The following TRIM66 variants were observed in gnomAD, a reference collection of about 807,000 sequenced individuals.
The protein encoded by TRIM66 is tripartite motif-containing protein 66.
TRIM66 carries 99 observed loss-of-function variants against 148.2 expected under a neutral mutation model. The ratio of observed to expected loss-of-function variants is 0.67; its 90% CI spans 0.57 to 0.79. The LOEUF is 0.79. TRIM66 is among the 30% of genes least tolerant of loss of function. The pLI is 0.00. For synonymous variants in TRIM66, 616 were observed against 635.9 expected (o/e 0.97, Z 0.47); for missense variants, 1,666 against 1,697.9 (o/e 0.98, Z 0.33).
intron 18 of TRIM66, 23 bp from the exon 19 acceptor site, chr11:8,621,842 G>C: frequency 6.6e-7 from 1 of 1,513,142 alleles, no homozygotes; most frequent in Non-Finnish European, 8.8e-7. Context: ...AGACACCCCG[G>C]GGTCTTGGTG....
At chr11:8,645,569 C>T (rs2036775388) in intron 12 of TRIM66, among the ~76,000 whole-genome samples, 172 bp downstream of exon 12, 1 of 152,210 alleles carries the variant, frequency 6.6e-6, no homozygotes, top group Non-Finnish European at 1.5e-5. Context: ...TGTTTACTTA[C>T]TAACCCAAAA....
chr11:8,620,234 T>C, intron 21 of TRIM66, 110 bp from the exon 22 acceptor site: 2 of 1,305,884 alleles, frequency 1.5e-6, no homozygotes, highest in Non-Finnish European at 2.1e-6. Flanking sequence ...GGATGCCAGC[T>C]GCCATACTAA....
At chr11:8,682,695 A>G (rs1173484171), upstream of TRIM66, 2 of 1,210,160 alleles carry the variant, frequency 1.7e-6, no homozygotes, top group Admixed American at 1.8e-5. Context: ...CCGCGAGACC[A>G]GGAGGCCCCG....
intron 6 of TRIM66, chr11:8,658,757 C>T: frequency 1.0e-6 from 1 of 985,270 alleles, no homozygotes; most frequent in Non-Finnish European, 1.2e-6. Context: ...TAAAAAACAG[C>T]AGGAGCCCAA....
Position 8,617,114 on chromosome 11 carries a change from T to C in TRIM66, c.*830A>G, listed in dbSNP as rs1009203810. ...CCACTGACAAGCACCAACAGTCACT[T>C]CTAGGAAGGCAGGTTCTCACCCTAA... On this transcript the variant is annotated 3_prime_UTR_variant, in exon 25 of 25. Coordinates refer to ENST00000646038, the MANE Select transcript of TRIM66 (RefSeq NM_001388022.1). The C allele has an allele frequency of 2.0e-5, 3 of 152,272 alleles. No homozygotes were observed. The highest frequency in any genetic ancestry group is 7.2e-5 in the African/African-American group (3 of 41,450). The allele number at this position is 152,272 out of a possible 1,614,324, so 9.4% of individuals were successfully genotyped here.
At chr11:8,683,102 T>G, upstream of TRIM66, 1 of 1,268,068 alleles carries the variant, frequency 7.9e-7, no homozygotes, top group Middle Eastern at 1.9e-4. Context: ...CTCCAGAAGT[T>G]AGGTCTTTGA....
chr11:8,622,265 T>C (rs2034302592), intron 18 of TRIM66, among the ~76,000 whole-genome samples: 1 of 148,058 alleles, frequency 6.8e-6, no homozygotes, highest in Admixed American at 6.7e-5. Flanking sequence ...CGTAAATTAA[T>C]ACTTAATAAA....
At position 8,645,814 on chromosome 11, in the gene TRIM66, T is replaced by A; in HGVS notation, c.1031A>T (p.Glu344Val). The A allele has an allele frequency of 6.4e-7, 1 of 1,551,748 alleles. No individual in the cohort carries two copies. Among genetic ancestry groups the A allele is most frequent in the Non-Finnish European group, 8.7e-7 (1 of 1,146,994 alleles). Residue 344 changes from glutamate (E) to valine (V), a missense_variant, in exon 12 of 25, where the codon GAG becomes GTG. Glu to Val is a moderately radical substitution (Grantham distance 121). Transcript: ENST00000646038. Reference protein sequence around the residue: ...QSIMVLNRQFEHVQNFINWAV... With the variant: ...QSIMVLNRQFVHVQNFINWAV... ...CCAGTTGATGAAATTCTGCACATGC[T>A]CAAACTGACGGTTGAGAACCATGAT... is the stretch of plus-strand genomic sequence containing the variant.
intron 6 of TRIM66, among the ~76,000 whole-genome samples, chr11:8,655,792 T>A (rs1045550374): frequency 5.3e-5 from 8 of 150,958 alleles, no homozygotes; most frequent in African/African-American, 1.5e-4. Context: ...CAAAAAAAAT[T>A]AAAATAAAAA....
intron 1 of TRIM66, among the ~76,000 whole-genome samples, chr11:8,681,368 C>A (rs1362935492): frequency 1.3e-5 from 2 of 152,140 alleles, no homozygotes; most frequent in East Asian, 1.9e-4. Context: ...CTCCTGACCT[C>A]GTGATCCGCC....
chr11:8,640,544 G>C lies in TRIM66; in HGVS notation c.1831C>G (p.His611Asp), dbSNP rs777864629. 2.0e-6 allele frequency: 3 copies of C among 1,534,284 alleles called. No homozygotes were observed. Among genetic ancestry groups the C allele is most frequent in the East Asian group, 4.9e-5 (2 of 40,660 alleles). The change falls in exon 14 of 25, where the codon CAT becomes GAT. Residue 611 changes from histidine (H) to aspartate (D), a missense_variant. Physicochemically the swap from His to Asp is moderately conservative, Grantham distance 81. Coordinates refer to ENST00000646038, the MANE Select transcript of TRIM66 (RefSeq NM_001388022.1). Reference sequence around the variant, plus strand: ...GGAGGGGGAAGGGGAGGTGGGGGATGGGGGAGGGGTGGTGGTGGAGGTGGT... The same window carrying C: ...GGAGGGGGAAGGGGAGGTGGGGGATCGGGGAGGGGTGGTGGTGGAGGTGGT... Reference protein sequence around the residue: ...QLPPPPPPLPHPPPPLPPPPQ... With the variant: ...QLPPPPPPLPDPPPPLPPPPQ...
chr11:8,674,825 G>A lies in TRIM66; in HGVS notation c.-131C>T, dbSNP rs1277319162. Reference sequence around the variant, plus strand: ...CCATACCTGTTTCTGCAGTCAATCTGTTATATGTTGTTTTGTTCACAGTAT... The same window carrying A: ...CCATACCTGTTTCTGCAGTCAATCTATTATATGTTGTTTTGTTCACAGTAT... On this transcript the variant is annotated 5_prime_UTR_variant, in exon 4 of 25. Transcript: ENST00000646038. 2 of 152,178 alleles carry A rather than the reference G, an allele frequency of 1.3e-5. No individual in the cohort carries two copies. Among genetic ancestry groups the A allele is most frequent in the African/African-American group, 4.8e-5 (2 of 41,438 alleles). The allele number at this position is 152,178 out of a possible 1,614,324, so 9.4% of individuals were successfully genotyped here. A position where few individuals can be genotyped will look rare whatever the true frequency, so the allele number is the denominator to read the frequency against.
intron 6 of TRIM66, among the ~76,000 whole-genome samples, chr11:8,665,602 G>A (rs1216111265): frequency 6.6e-6 from 1 of 152,130 alleles, no homozygotes; most frequent in Non-Finnish European, 1.5e-5. Flanking sequence ...CCATGGGGGA[G>A]AGACAGACAC....
At chr11:8,618,320 T>A (rs2033866767) in intron 24 of TRIM66, among the ~76,000 whole-genome samples, 1 of 152,186 alleles carries the variant, frequency 6.6e-6, no homozygotes, top group Admixed American at 6.5e-5. Flanking sequence ...CTGCAAGCAA[T>A]ACCTCTCCTT....
At chr11:8,658,467 T>C (rs1034934180) in intron 6 of TRIM66, among the ~76,000 whole-genome samples, 1 of 152,196 alleles carries the variant, frequency 6.6e-6, no homozygotes, top group Admixed American at 6.5e-5. Flanking sequence ...ACAGTGCTCA[T>C]GTGTGGCTGG....
At chr11:8,625,601 G>A (rs546326213) in intron 15 of TRIM66, among the ~76,000 whole-genome samples, 2 of 152,114 alleles carry the variant, frequency 1.3e-5, no homozygotes, top group African/African-American at 4.8e-5. Context: ...CCTCACCCCA[G>A]TCTTGTACCT....
rs1459972975 is a variant in TRIM66 at position 8,613,474 on chromosome 11, G to A, written c.*4470C>T. The A allele has an allele frequency of 6.6e-6, 1 of 152,176 alleles. No individual in the cohort carries two copies. Among genetic ancestry groups the A allele is most frequent in the East Asian group, 1.9e-4 (1 of 5,200 alleles). 9.4% of individuals were successfully genotyped at this position (152,176 alleles called of 1,614,324 possible). On this transcript the variant is annotated 3_prime_UTR_variant, in exon 25 of 25. Coordinates refer to ENST00000646038, the MANE Select transcript of TRIM66 (RefSeq NM_001388022.1). ...TTATGAAAAAGTATAGAGGGCTGAA[G>A]AACAGCTGAGGAAGAATCAGTTTAA...
chr11:8,641,221 C>G, intron 13 of TRIM66, 69 bp from the exon 14 acceptor site: 1 of 1,386,778 alleles, frequency 7.2e-7, no homozygotes, highest in Non-Finnish European at 9.7e-7. Context: ...CTTCCTGCTC[C>G]TGGGACAAAA....
intron 15 of TRIM66, among the ~76,000 whole-genome samples, chr11:8,632,314 T>A (rs911545507): frequency 8.6e-5 from 13 of 151,986 alleles, no homozygotes; most frequent in Admixed American, 1.3e-4. Context: ...TCTCAAAAAA[T>A]AAATAAATAA....
Sources: allele counts gnomAD v4.1 joint callset (sites outside exome capture counted in the v4.1 genomes callset), GRCh38; gene constraint gnomAD v4.1.1; transcripts MANE v1.5; gene names NCBI Gene and HGNC (gene_info 2026-07-23, HGNC 2026-07-21).